TPM1: variants seen among roughly 807,000 people sequenced by gnomAD.
TPM1 encodes tropomyosin 1, also known as tropomyosin alpha-1 chain.
TPM1 carries 24 observed loss-of-function variants against 42.9 expected under a neutral mutation model. The observed-to-expected ratio is 0.56, with a 90% CI of 0.41 to 0.79. The LOEUF (loss-of-function observed/expected upper bound fraction) is 0.79, where lower values mean the gene tolerates loss of function less well. TPM1 is among the 30% of genes least tolerant of loss of function. The pLI is 0.00. For synonymous variants in TPM1, 136 were observed against 130.1 expected (o/e 1.05, Z -0.31); for missense variants, 158 against 351.8 (o/e 0.45, Z 4.41).
intron 2 of TPM1, chr15:63,048,792 G>C (rs2033138018): frequency 7.4e-7 from 1 of 1,343,182 alleles, no homozygotes; most frequent in African/African-American, 1.5e-5. Flanking sequence ...TTCCCCCCCC[G>C]CAGGCCCCGG....
At position 63,065,896 on chromosome 15, in the gene TPM1, A is replaced by C. The variant is rs759481997; in HGVS notation, c.852A>C (p.Ile284=). 5 of 1,603,140 alleles carry C rather than the reference A, an allele frequency of 3.1e-6. No homozygotes were observed. Among genetic ancestry groups the C allele is most frequent in the East Asian group, 2.2e-5 (1 of 44,612 alleles). Residue 284 remains isoleucine, a splice_region_variant and synonymous_variant, in exon 10 of 10, where the codon ATA becomes ATC. Coordinates refer to ENST00000403994, the MANE Select transcript of TPM1 (RefSeq NM_001018005.2). ...CTCCCACCTTTTTATCTTCACGCAGATAAGTTTCTTTGCTTCACTTCTCCC... is the reference window on the plus strand; with the variant it reads ...CTCCCACCTTTTTATCTTCACGCAGCTAAGTTTCTTTGCTTCACTTCTCCC... The part of the protein sequence containing the change: ...LDHALNDMTS[I]
intron 2 of TPM1, among the ~76,000 whole-genome samples, chr15:63,051,836 G>A (rs568412423): frequency 1.7e-4 from 25 of 148,180 alleles, no homozygotes; most frequent in Non-Finnish European, 3.0e-4. Context: ...TTAATTTTCT[G>A]TTGTTGTATT....
chr15:63,068,025 C>T (rs2036380373), downstream of TPM1, among the ~76,000 whole-genome samples: 1 of 152,184 alleles, frequency 6.6e-6, no homozygotes, highest in African/African-American at 2.4e-5. Flanking sequence ...TCCAGATTTT[C>T]TCCAAAGTTC....
intron 3 of TPM1, among the ~76,000 whole-genome samples, chr15:63,059,036 T>C (rs1185818816): frequency 6.6e-6 from 1 of 152,234 alleles, no homozygotes; most frequent in Non-Finnish European, 1.5e-5. Context: ...TGGTCAAATA[T>C]CAGCATTCTT....
At chr15:63,071,321 C>A in exon 9 of TPM1, 1 of 912,044 alleles carries the variant, frequency 1.1e-6, no homozygotes, top group Non-Finnish European at 1.7e-6. Flanking sequence ...GGGGAAAACA[C>A]ATACAAAAAG....
intron 9 of TPM1, 80 bp downstream of exon 9, chr15:63,064,222 C>T (rs745601136): frequency 1.7e-5 from 26 of 1,563,318 alleles, no homozygotes; most frequent in Non-Finnish European, 2.1e-5. Context: ...CTTCCTTGCT[C>T]CCTAATCTCC....
chr15:63,043,788 A>G, intron 1 of TPM1: 1 of 1,549,908 alleles, frequency 6.5e-7, no homozygotes, highest in Non-Finnish European at 8.7e-7. Context: ...GAGCTGCACA[A>G]GGCGGAGGAC....
chr15:63,062,004 C>G, intron 6 of TPM1: 1 of 668,568 alleles, frequency 1.5e-6, no homozygotes, highest in Non-Finnish European at 2.6e-6. Context: ...AACCAAGTGC[C>G]AAGTGGATAA....
rs2031846330 is a variant in TPM1, at chr15:63,044,015, G to A, written c.115-12G>A. 1.2e-6 allele frequency: 2 copies of A among 1,612,680 alleles called. No individual in the cohort carries two copies. Among genetic ancestry groups the A allele is most frequent in the Non-Finnish European group, 1.7e-6 (2 of 1,179,442 alleles). Reference sequence around the variant, plus strand: ...CCCCCCTCCCTCCCTGTACCCCCTGGCCAACTCCCAGCTGGAAGATGAGCT... The same window carrying A: ...CCCCCCTCCCTCCCTGTACCCCCTGACCAACTCCCAGCTGGAAGATGAGCT... On this transcript the variant is annotated splice_polypyrimidine_tract_variant and intron_variant, in intron 1 of 9. Coordinates refer to ENST00000403994, the MANE Select transcript of TPM1 (RefSeq NM_001018005.2).
chr15:63,050,159 G>T (rs901945553), intron 2 of TPM1, among the ~76,000 whole-genome samples: 1 of 152,184 alleles, frequency 6.6e-6, no homozygotes, highest in Non-Finnish European at 1.5e-5. Context: ...CTGTGTGCCC[G>T]CTGTCATTAA....
At position 63,044,071 on chromosome 15, in the gene TPM1, C is replaced by T. The variant is rs1596303082; in HGVS notation, c.159C>T (p.Thr53=). 6.2e-7 allele frequency: 1 copy of T among 1,614,126 alleles called. No individual in the cohort carries two copies. The highest frequency in any genetic ancestry group is 8.5e-7 in the Non-Finnish European group (1 of 1,180,024). The change falls in exon 2 of 10, where the codon ACC becomes ACT. Residue 53 remains threonine, a synonymous_variant. Transcript: ENST00000403994. ...CACTGCAAAAGAAACTCAAGGGCAC[C>T]GAAGATGAACTGGACAAATACTCTG... ...LVSLQKKLKG[T]EDELDKYSEA... is the part of the protein sequence containing the mutation.
chr15:63,063,402 G>A lies in TPM1; in HGVS notation c.773-662G>A, dbSNP rs1018922166. The A allele has an allele frequency of 7.7e-5, 76 of 983,516 alleles. No individual in the cohort carries two copies. In the African/African-American group the frequency reaches 1.3e-3, roughly 16 times the overall value. The allele number at this position is 983,516 out of a possible 1,614,324, so 60.9% of individuals were successfully genotyped here. ...AGTGCAGCAAAGTATGAAACCTGCAGCATTACAAAAACTAAGTTGCAGACT... is the reference window on the plus strand; with the variant it reads ...AGTGCAGCAAAGTATGAAACCTGCAACATTACAAAAACTAAGTTGCAGACT... On this transcript the variant is annotated intron_variant, in intron 8 of 9. Transcript: ENST00000403994.
In TPM1 at chr15:63,048,797, C is replaced by T. The variant is rs1029771527; in HGVS notation, c.240+4645C>T. ...GCCCTCCTGCTTCCCCCCCCGCAGG[C>T]CCCGGTCCCTCGTCCCCACGCCTCC... On this transcript the variant is annotated intron_variant, in intron 2 of 9. Coordinates refer to ENST00000403994, the MANE Select transcript of TPM1 (RefSeq NM_001018005.2). 7.6e-6 allele frequency: 11 copies of T among 1,450,890 alleles called. No homozygotes were observed. In the Admixed American group the frequency reaches 1.4e-4, roughly 19 times the overall value. The allele number at this position is 1,450,890 out of a possible 1,614,324, so 89.9% of individuals were successfully genotyped here.
Position 63,059,694 on chromosome 15 carries a change from G to A in TPM1, c.492+14G>A, listed in dbSNP as rs750889814. 8.8e-6 allele frequency: 14 copies of A among 1,588,074 alleles called. No individual in the cohort carries two copies. The South Asian group carries it at 1.0e-4, about 11-fold the overall frequency. The stretch of plus-strand genomic sequence containing the variant: ...AAATATGAAGAGGTCAGATCCTGGG[G>A]CCCAAAGCCTTGTGGACACCCAGCA... On this transcript the variant is annotated intron_variant, in intron 4 of 9. Coordinates refer to ENST00000403994, the MANE Select transcript of TPM1 (RefSeq NM_001018005.2).
rs754685532 is a variant in TPM1, at chr15:63,048,473, C to T, written c.240+4321C>T. On this transcript the variant is annotated intron_variant, in intron 2 of 9. Transcript: ENST00000403994. ...ATCGCACAGAGAGGCCTGGGCGGGG[C>T]GGACCGGCGCTGGGCAGCCAGGACA... The T allele has an allele frequency of 4.3e-6, 6 of 1,395,310 alleles. No individual in the cohort carries two copies. In the East Asian group the frequency reaches 8.9e-5, roughly 21 times the overall value. 86.4% of individuals were successfully genotyped at this position (1,395,310 alleles called of 1,614,324 possible).
chr15:63,069,058 C>T (rs1204546640), downstream of TPM1, among the ~76,000 whole-genome samples: 5 of 152,156 alleles, frequency 3.3e-5, no homozygotes, highest in African/African-American at 1.2e-4. Flanking sequence ...GAGGCTGAGG[C>T]AGGAGATTGG....
At chr15:63,066,417 GT>G (rs1322123022), downstream of TPM1, among the ~76,000 whole-genome samples, 1 of 152,204 alleles carries the variant, frequency 6.6e-6, no homozygotes, top group African/African-American at 2.4e-5. Context: ...GACATTGCTT[GT>G]TGAGAGTTGA....
chr15:63,055,846 C>G (rs1566955902), intron 2 of TPM1: 1 of 152,148 alleles, frequency 6.6e-6, no homozygotes, highest in Non-Finnish European at 1.5e-5. Context: ...CCATCATAGT[C>G]TTATAAGTGT....
At chr15:63,044,451 C>G in intron 2 of TPM1, 2 of 593,980 alleles carry the variant, frequency 3.4e-6, no homozygotes, top group Admixed American at 2.9e-5. Flanking sequence ...AACTTCACCT[C>G]CCTGGTGGCA....
Sources: allele counts gnomAD v4.1 joint callset (sites outside exome capture counted in the v4.1 genomes callset), GRCh38; gene constraint gnomAD v4.1.1; transcripts MANE v1.5; gene names NCBI Gene and HGNC (gene_info 2026-07-23, HGNC 2026-07-21).